Variants in PHLPP1 observed in about 807,000 individuals in gnomAD.
PHLPP1 encodes PH domain and leucine rich repeat protein phosphatase 1.
PHLPP1 carries 42 observed loss-of-function variants against 117.2 expected under a neutral mutation model. That is an observed-to-expected ratio of 0.36 (90% CI 0.28 to 0.46). The LOEUF is 0.46. Among genes scored for constraint, PHLPP1 ranks in the 20% least tolerant of loss-of-function variants. The pLI is 1.00. For synonymous variants in PHLPP1, 1,042 were observed against 970.7 expected (o/e 1.07, Z -1.37); for missense variants, 2,084 against 2,241.9 (o/e 0.93, Z 1.42).
At chr18:62,921,874 A>G (rs1162031030) in intron 10 of PHLPP1, among the ~76,000 whole-genome samples, 1 of 152,248 alleles carries the variant, frequency 6.6e-6, no homozygotes, top group Non-Finnish European at 1.5e-5. Context: ...AACAAGATAT[A>G]GAACATTTCT....
intron 1 of PHLPP1, among the ~76,000 whole-genome samples, chr18:62,746,088 G>C (rs1373199326): frequency 6.6e-6 from 1 of 151,888 alleles, no homozygotes; most frequent in Non-Finnish European, 1.5e-5. Flanking sequence ...TTGTTGCCCA[G>C]GCTGGAGTGC....
intron 8 of PHLPP1, among the ~76,000 whole-genome samples, chr18:62,908,597 A>G (rs1916907061): frequency 4.3e-5 from 1 of 23,192 alleles, no homozygotes; most frequent in Non-Finnish European, 8.3e-5. Flanking sequence ...AGAGGAGCTA[A>G]CTATCCTAAA....
chr18:62,860,348 C>A (rs1915600949), intron 3 of PHLPP1, 87 bp from the exon 4 acceptor site: 25 of 1,103,156 alleles, frequency 2.3e-5, no homozygotes, highest in Non-Finnish European at 1.3e-5. Flanking sequence ...AATATCTGTT[C>A]CAAATTGGGA....
At chr18:62,885,825 T>C (rs902604575) in intron 4 of PHLPP1, among the ~76,000 whole-genome samples, 2 of 152,222 alleles carry the variant, frequency 1.3e-5, no homozygotes, top group Admixed American at 6.5e-5. Context: ...CACCTCAAAA[T>C]TTAGTAACTG....
At chr18:62,746,930 C>G (rs1169220913) in intron 1 of PHLPP1, among the ~76,000 whole-genome samples, 1 of 152,092 alleles carries the variant, frequency 6.6e-6, no homozygotes, top group Non-Finnish European at 1.5e-5. Flanking sequence ...ATGGTTGTAG[C>G]TATATTCAGG....
chr18:62,825,460 A>G (rs1914585213), intron 1 of PHLPP1: 1 of 146,884 alleles, frequency 6.8e-6, no homozygotes, highest in South Asian at 2.1e-4. Context: ...ATATATTTAT[A>G]TAATATATAT....
intron 4 of PHLPP1, among the ~76,000 whole-genome samples, chr18:62,869,078 C>T (rs1056672660): frequency 6.6e-6 from 1 of 152,210 alleles, no homozygotes; most frequent in African/African-American, 2.4e-5. Context: ...TTTTCATTCT[C>T]TTATTGCTCT....
chr18:62,888,909 C>T (rs989044388), intron 4 of PHLPP1, among the ~76,000 whole-genome samples: 14 of 152,298 alleles, frequency 9.2e-5, no homozygotes, highest in Admixed American at 7.2e-4. Flanking sequence ...TCTCTCATAA[C>T]TTAAACATTG....
intron 4 of PHLPP1, among the ~76,000 whole-genome samples, chr18:62,880,120 G>A (rs1599099291): frequency 6.6e-6 from 1 of 152,034 alleles, no homozygotes; most frequent in African/African-American, 2.4e-5. Context: ...TTTGTGCATA[G>A]TAAGAACTCA....
intron 4 of PHLPP1, among the ~76,000 whole-genome samples, chr18:62,891,888 CAAAAAAAA>C (rs574107579): frequency 2.5e-5 from 2 of 79,124 alleles, no homozygotes; most frequent in African/African-American, 4.7e-5. Flanking sequence ...GACCCTTTCT[CAAAAAAAA>C]AAAAAAAAAA....
intron 1 of PHLPP1, among the ~76,000 whole-genome samples, chr18:62,773,199 A>G (rs946238789): frequency 2.6e-5 from 4 of 152,144 alleles, no homozygotes; most frequent in African/African-American, 4.8e-5. Context: ...GATCTACTCT[A>G]AGATCCCCAC....
chr18:62,843,145 C>T (rs1030852929), intron 3 of PHLPP1: 1 of 152,032 alleles, frequency 6.6e-6, no homozygotes, highest in African/African-American at 2.4e-5. Flanking sequence ...TTCTTTTCTT[C>T]ATATTGAGAA....
At chr18:62,747,483 T>TACCTTCCCTCCTCTCCC (rs1209543912) in intron 1 of PHLPP1, among the ~76,000 whole-genome samples, 2 of 151,592 alleles carry the variant, frequency 1.3e-5, no homozygotes, top group Admixed American at 6.6e-5. Context: ...TTACCTTTCC[T>TACCTTCCCTCCTCTCCC]ACCTTCCCTC....
intron 2 of PHLPP1, among the ~76,000 whole-genome samples, chr18:62,831,389 G>A (rs1336094225): frequency 6.6e-6 from 1 of 151,224 alleles, no homozygotes; most frequent in Non-Finnish European, 1.5e-5. Flanking sequence ...CCAGGCTGGA[G>A]TGTGGTGGTG....
intron 1 of PHLPP1, among the ~76,000 whole-genome samples, chr18:62,786,555 G>A (rs938918980): frequency 6.6e-6 from 1 of 152,114 alleles, no homozygotes; most frequent in African/African-American, 2.4e-5. Flanking sequence ...TTTGCTTTTT[G>A]CAACAAACTT....
Position 62,895,893 on chromosome 18 carries a change from C to T in PHLPP1, c.2326C>T (p.Pro776Ser), listed in dbSNP as rs774234592. The change falls in exon 6 of 17, where the codon CCC (proline) becomes TCC (serine). Residue 776 changes from proline to serine, a missense_variant. Transcript: ENST00000262719. ...TTCTTTCAATGAATTTACTGACATT[C>T]CCGAAGTATTGGAGAAATTGACTGC... Reference protein sequence around the residue: ...GLSFNEFTDIPEVLEKLTAVD... With the variant: ...GLSFNEFTDISEVLEKLTAVD... 3 of 1,612,720 alleles carry T rather than the reference C, an allele frequency of 1.9e-6. No individual in the cohort carries two copies. The highest frequency in any genetic ancestry group is 1.7e-6 in the Non-Finnish European group (2 of 1,178,772).
intron 1 of PHLPP1, among the ~76,000 whole-genome samples, chr18:62,769,564 T>C (rs953448530): frequency 2.0e-5 from 3 of 152,194 alleles, no homozygotes; most frequent in Admixed American, 2.0e-4. Context: ...GCTCTGTCTT[T>C]CATATACCAG....
Position 62,822,291 on chromosome 18 carries a change from T to G in PHLPP1, c.1577-7744T>G, listed in dbSNP as rs200963559. The stretch of plus-strand genomic sequence containing the variant: ...TTTTTTTTTTTTTTGTTTTTGTTTT[T>G]TTTTTTTTGAGACAGAGTCTCGCTC... On this transcript the variant is annotated intron_variant, in intron 1 of 16. Transcript: ENST00000262719. Among the ~76,000 whole-genome samples the G allele has an allele frequency of 6.2e-4, 90 of 144,794 alleles. 2 individuals are homozygous for G. Among genetic ancestry groups the G allele is most frequent in the South Asian group, 2.7e-3 (12 of 4,368 alleles). 95.0% of individuals were successfully genotyped at this position (144,794 alleles called of 152,430 possible).
chr18:62,923,032 G>A (rs560068620), intron 10 of PHLPP1, among the ~76,000 whole-genome samples: 2 of 152,280 alleles, frequency 1.3e-5, no homozygotes, highest in African/African-American at 4.8e-5. Flanking sequence ...GAACTGGAAC[G>A]TGAATGTGAA....
Sources: gnomAD v4.1 joint callset for allele counts (sites outside exome capture counted in the v4.1 genomes callset) on GRCh38, gnomAD v4.1.1 for gene constraint, MANE v1.5 for transcripts, NCBI Gene and HGNC (gene_info 2026-07-23, HGNC 2026-07-21) for gene names.